DNAH12: variants seen among roughly 807,000 people sequenced by gnomAD.
DNAH12 encodes the protein dynein axonemal heavy chain 12.
In DNAH12, 285 loss-of-function variants were observed where a neutral mutation model predicts 371.5. That is an observed-to-expected ratio of 0.77 (90% CI 0.70 to 0.85). The LOEUF is 0.85. DNAH12 is among the 40% of genes least tolerant of loss of function. The pLI is 0.00. For missense variants in DNAH12, 3,611 were observed against 3,689.4 expected, an observed-to-expected ratio of 0.98 and a Z score of 0.55; for synonymous variants, 1,200 against 1,213.0, an observed-to-expected ratio of 0.99 and a Z score of 0.22.
chr3:57,514,939 G>A (rs1176517396), intron 4 of DNAH12, among the ~76,000 whole-genome samples: 1 of 152,170 alleles, frequency 6.6e-6, no homozygotes, highest in Non-Finnish European at 1.5e-5. Context: ...AGTAGTATGA[G>A]TTAGCAATTT....
At position 57,351,923 on chromosome 3, in the gene DNAH12, C is replaced by T. The variant is rs545864780; in HGVS notation, c.9674+162G>A. 1.3e-5 allele frequency among the ~76,000 whole-genome samples: 2 copies of T among 152,138 alleles called. 1 individual carries two copies. Among genetic ancestry groups the T allele is most frequent in the South Asian group, 4.1e-4 (2 of 4,830 alleles). Reference sequence around the variant, plus strand: ...ATAAATTTTAAAAATTAAATAAACACCGATACTATCGTAGAAGCCATTGTT... The same window carrying T: ...ATAAATTTTAAAAATTAAATAAACATCGATACTATCGTAGAAGCCATTGTT... On this transcript the variant is annotated intron_variant, in intron 60 of 73. Coordinates refer to ENST00000495027, the MANE Select transcript of DNAH12 (RefSeq NM_001366028.2).
intron 12 of DNAH12, among the ~76,000 whole-genome samples, chr3:57,487,414 A>AAGAAAGAAAGAAAAAAAAGAAAAAG (rs2066969767): frequency 6.8e-6 from 1 of 146,220 alleles, no homozygotes; most frequent in African/African-American, 2.5e-5. Context: ...AAAAAAAAGA[A>AAGAAAGAAAGAAAAAAAAGAAAAAG]AAAGAAAGAA....
chr3:57,339,140 G>T (rs2062323519), intron 60 of DNAH12, among the ~76,000 whole-genome samples: 1 of 152,242 alleles, frequency 6.6e-6, no homozygotes, highest in Non-Finnish European at 1.5e-5. Context: ...ATTAAGGGCG[G>T]TGCAAGATGT....
intron 11 of DNAH12, among the ~76,000 whole-genome samples, chr3:57,493,274 A>C (rs1314604912): frequency 6.6e-6 from 1 of 152,218 alleles, no homozygotes; most frequent in Non-Finnish European, 1.5e-5. Flanking sequence ...AATATTTGAA[A>C]AAAGCCATAA....
At chr3:57,484,337 C>T (rs1449418930) in intron 12 of DNAH12, among the ~76,000 whole-genome samples, 2 of 152,046 alleles carry the variant, frequency 1.3e-5, no homozygotes, top group African/African-American at 4.8e-5. Context: ...AGGATATGAA[C>T]CTAGATATCC....
chr3:57,433,174 CA>C (rs11395980), intron 32 of DNAH12, among the ~76,000 whole-genome samples, 192 bp downstream of exon 32: 22,700 of 142,392 alleles, frequency 0.16, 1,713 homozygotes, highest in South Asian at 0.21. Flanking sequence ...TTTCATTCTA[CA>C]AAAAAAAAAA....
Position 57,468,823 on chromosome 3 carries a change from C to T in DNAH12, c.2262G>A (p.Leu754=). The change falls in exon 17 of 74, where the codon TTG becomes TTA. Residue 754 remains leucine, a synonymous_variant. Transcript: ENST00000495027. ...EKRKAARKRS[L]EEEKIEEEPK... is the part of the protein sequence containing the mutation. ...GTTCTTCTTCAATTTTCTCTTCTTC[C>T]AAAGACCGTTTTCTTGCTGCCTTTC... The T allele has an allele frequency of 6.5e-7, 1 of 1,536,738 alleles. No homozygotes were observed. Among genetic ancestry groups the T allele is most frequent in the Non-Finnish European group, 8.7e-7 (1 of 1,143,546 alleles).
rs1393099541 is a variant in DNAH12 at position 57,322,386 on chromosome 3, A to C, written c.10481T>G (p.Val3494Gly). ...NLLQSYLTDP[V>G]SDPEFFKGCR... Reference sequence around the variant, plus strand: ...TCCCTTGAAAAACTCAGGATCAGAAACTGGATCAGTGAGATATGATTGAAG... The same window carrying C: ...TCCCTTGAAAAACTCAGGATCAGAACCTGGATCAGTGAGATATGATTGAAG... Residue 3494 changes from valine (V) to glycine (G), a missense_variant, in exon 65 of 74, where the codon GTT becomes GGT. Physicochemically the swap from Val to Gly is moderately radical, Grantham distance 109 (BLOSUM62 -3). This residue lies in a region of DNAH12 where 2,266 missense variants were observed against 2,236.9 expected (regional missense o/e 1.01). Coordinates refer to ENST00000495027, the MANE Select transcript of DNAH12 (RefSeq NM_001366028.2). The C allele has an allele frequency of 1.3e-6, 2 of 1,551,776 alleles. No homozygotes were observed. The highest frequency in any genetic ancestry group is 3.9e-5 in the Admixed American group (2 of 50,974).
intron 2 of DNAH12, among the ~76,000 whole-genome samples, chr3:57,526,655 A>G: frequency 6.6e-6 from 1 of 150,528 alleles, no homozygotes; most frequent in Non-Finnish European, 1.5e-5. Context: ...CCTCCCAAGT[A>G]GCTGGGACTC....
the DNAH12 span, among the ~76,000 whole-genome samples, chr3:57,550,950 C>A: frequency 6.7e-6 from 1 of 150,026 alleles, no homozygotes; most frequent in African/African-American, 2.5e-5. Flanking sequence ...GCAATCTCGG[C>A]TCACTGCAAG....
chr3:57,311,267 G>A (rs2061578937), intron 66 of DNAH12, among the ~76,000 whole-genome samples: 1 of 152,110 alleles, frequency 6.6e-6, no homozygotes, highest in Non-Finnish European at 1.5e-5. Context: ...AGTAGAGACA[G>A]GGTTTCACCA....
chr3:57,367,925 A>G (rs2063086856), intron 56 of DNAH12, 121 bp downstream of exon 56: 1 of 152,214 alleles, frequency 6.6e-6, no homozygotes, highest in Non-Finnish European at 1.5e-5. Context: ...ACTCATAACA[A>G]TGAGCCAGAA....
chr3:57,305,419 TA>T (rs766446461), intron 69 of DNAH12, among the ~76,000 whole-genome samples: 45 of 152,118 alleles, frequency 3.0e-4, no homozygotes, highest in Admixed American at 1.4e-3. Flanking sequence ...ATAATCTTTT[TA>T]TCACCTCCCC....
At chr3:57,436,358 ACT>A (rs944054307) in intron 30 of DNAH12, among the ~76,000 whole-genome samples, 1 of 152,032 alleles carries the variant, frequency 6.6e-6, no homozygotes, top group Admixed American at 6.6e-5. Context: ...TGAAGTTTAA[ACT>A]CTATTAGTTT....
intron 62 of DNAH12, among the ~76,000 whole-genome samples, chr3:57,323,912 C>T (rs577854726): frequency 6.6e-6 from 1 of 152,264 alleles, no homozygotes; most frequent in South Asian, 2.1e-4. Context: ...GCAGAGATTG[C>T]ATATTGTCCC....
chr3:57,427,654 C>T (rs1028442303), intron 34 of DNAH12, among the ~76,000 whole-genome samples: 5 of 151,856 alleles, frequency 3.3e-5, no homozygotes, highest in Non-Finnish European at 4.4e-5. Context: ...CGCTCCACTG[C>T]GCTCCAGCCT....
At chr3:57,304,065 TC>T (rs1425340923) in intron 69 of DNAH12, among the ~76,000 whole-genome samples, 4 of 92,622 alleles carry the variant, frequency 4.3e-5, no homozygotes, top group Non-Finnish European at 8.5e-5. Flanking sequence ...GACCCCCCAC[TC>T]CTGCCCGCCA....
chr3:57,427,138 A>ATGTGTGTGTTTGTGTG (rs1553688390), intron 34 of DNAH12, among the ~76,000 whole-genome samples: 1 of 138,784 alleles, frequency 7.2e-6, no homozygotes, highest in African/African-American at 2.8e-5. Flanking sequence ...TAAGAAGCGA[A>ATGTGTGTGTTTGTGTG]TGTGTGTGTG....
At chr3:57,475,394 A>G (rs1330749157) in intron 13 of DNAH12, among the ~76,000 whole-genome samples, 1 of 152,214 alleles carries the variant, frequency 6.6e-6, no homozygotes, top group African/African-American at 2.4e-5. Flanking sequence ...ATAAAATAAA[A>G]GACTGCTCCA....
Sources: allele counts gnomAD v4.1 joint callset (sites outside exome capture counted in the v4.1 genomes callset), GRCh38; gene constraint gnomAD v4.1.1; regional missense constraint gnomAD v4.1.1; transcripts MANE v1.5; gene names NCBI Gene and HGNC (gene_info 2026-07-23, HGNC 2026-07-21).